The following ZMAT1 variants were observed in gnomAD, a reference collection of about 807,000 sequenced individuals.
ZMAT1 encodes zinc finger matrin-type protein 1.
ZMAT1 carries 11 observed loss-of-function variants against 18.5 expected under a neutral mutation model. The ratio of observed to expected loss-of-function variants is 0.59; its 90% CI spans 0.37 to 0.98. The LOEUF is 0.98. ZMAT1 is among the 50% of genes least tolerant of loss of function. The probability of loss-of-function intolerance (pLI) is 0.01; values close to 1 mark genes in which losing one functional copy is unlikely to be tolerated. For synonymous variants in ZMAT1, 211 were observed against 176.4 expected, an observed-to-expected ratio of 1.20 and a Z score of -1.55; for missense variants, 525 against 496.2, an observed-to-expected ratio of 1.06 and a Z score of -0.55.
At chrX:101,910,040 T>C (rs1397625896) in intron 1 of ZMAT1, among the ~76,000 whole-genome samples, 1 of 112,685 alleles carries the variant, frequency 8.9e-6, no homozygotes, top group Non-Finnish European at 1.9e-5. Flanking sequence ...GGGATGCTTC[T>C]GTCAATCCAT....
At chrX:101,914,520 C>T (rs1273172802) in intron 1 of ZMAT1, among the ~76,000 whole-genome samples, 7 of 110,717 alleles carry the variant, frequency 6.3e-5, no homozygotes, top group African/African-American at 2.3e-4. Flanking sequence ...GGAGACATTA[C>T]AACTGATACC....
At chrX:101,920,672 G>T in intron 1 of ZMAT1, among the ~76,000 whole-genome samples, 1 of 112,208 alleles carries the variant, frequency 8.9e-6, no homozygotes. Context: ...TAAGTAGCAT[G>T]CTTTCCTAAT....
chrX:101,904,455 T>G, intron 1 of ZMAT1, 125 bp from the exon 2 acceptor site: 4 of 494,826 alleles, frequency 8.1e-6, no homozygotes, highest in Non-Finnish European at 1.3e-5. Context: ...GAGGCTACAG[T>G]AACAGCTTTT....
chrX:101,920,403 G>C (rs1320620438), intron 1 of ZMAT1, among the ~76,000 whole-genome samples: 1 of 111,473 alleles, frequency 9.0e-6, no homozygotes, highest in Admixed American at 9.5e-5. Context: ...ATGGAGCTTT[G>C]ACTTTACATG....
Position 101,882,358 on chromosome X carries a change from G to A in ZMAT1, c.*1152C>T, listed in dbSNP as rs1926533420. 9.0e-6 allele frequency: 1 copy of A among 111,478 alleles called. No homozygotes were observed. The highest frequency in any genetic ancestry group is 3.7e-4 in the South Asian group (1 of 2,680). The allele number at this position is 111,478 out of a possible 1,213,427, so 9.2% of individuals were successfully genotyped here. A position where few individuals can be genotyped will look rare whatever the true frequency, so the allele number is the denominator to read the frequency against. ...CTGACCTTATATCAGTACTTTTTGAGACCGTTTTAAAACTATATATCATCT... is the reference window on the plus strand; with the variant it reads ...CTGACCTTATATCAGTACTTTTTGAAACCGTTTTAAAACTATATATCATCT... On this transcript the variant is annotated 3_prime_UTR_variant, in exon 6 of 6. Coordinates refer to ENST00000651725, the MANE Select transcript of ZMAT1 (RefSeq NM_001394560.1).
chrX:101,921,038 G>C (rs754424268), intron 1 of ZMAT1, among the ~76,000 whole-genome samples: 3 of 110,585 alleles, frequency 2.7e-5, no homozygotes, highest in Non-Finnish European at 5.7e-5. Flanking sequence ...AAAAAAAAAG[G>C]ATATATAAAT....
intron 1 of ZMAT1, among the ~76,000 whole-genome samples, chrX:101,904,627 A>G (rs1056417209): frequency 9.0e-6 from 1 of 111,279 alleles, no homozygotes; most frequent in Admixed American, 9.6e-5. Context: ...TTGGGACACC[A>G]GTAATTAAAG....
At chrX:101,926,321 C>A (rs913296321) in intron 1 of ZMAT1, among the ~76,000 whole-genome samples, 1 of 112,139 alleles carries the variant, frequency 8.9e-6, no homozygotes, top group African/African-American at 3.2e-5. Context: ...CAGAAACTTA[C>A]TTTTTAGCTA....
intron 1 of ZMAT1, among the ~76,000 whole-genome samples, chrX:101,929,537 T>A (rs1187170994): frequency 9.4e-6 from 1 of 105,854 alleles, no homozygotes; most frequent in African/African-American, 3.4e-5. Flanking sequence ...AACAGTGCAA[T>A]ATATAAAATG....
intron 1 of ZMAT1, among the ~76,000 whole-genome samples, chrX:101,910,299 G>A (rs1928875877): frequency 8.9e-6 from 1 of 111,971 alleles, no homozygotes; most frequent in African/African-American, 3.3e-5. Context: ...TTCACAAGAA[G>A]GACAGCTACA....
chrX:101,929,422 ATTATATATAT>A (rs1340296882), intron 1 of ZMAT1, among the ~76,000 whole-genome samples: 482 of 23,776 alleles, frequency 0.02, 2 homozygotes, highest in African/African-American at 0.11. Context: ...ATAGAGAGAG[ATTATATATAT>A]ATATATATAT....
intron 4 of ZMAT1, among the ~76,000 whole-genome samples, chrX:101,895,257 C>T (rs978104536): frequency 6.3e-5 from 7 of 111,272 alleles, no homozygotes; most frequent in African/African-American, 2.3e-4. Context: ...TTAAAACATA[C>T]TTAGTAAGAA....
At chrX:101,904,743 G>C (rs749365579) in intron 1 of ZMAT1, among the ~76,000 whole-genome samples, 2 of 110,364 alleles carry the variant, frequency 1.8e-5, no homozygotes, top group South Asian at 4.0e-4. Flanking sequence ...AGGAGTTTGA[G>C]AACAGCCTGG....
intron 5 of ZMAT1, among the ~76,000 whole-genome samples, chrX:101,885,136 G>C (rs1331244690): frequency 9.1e-6 from 1 of 110,334 alleles, no homozygotes; most frequent in Non-Finnish European, 1.9e-5. Context: ...AATTTCCTTT[G>C]GCCCGGGATG....
intron 1 of ZMAT1, among the ~76,000 whole-genome samples, chrX:101,920,043 C>CTTTT (rs34092477): frequency 1.1e-5 from 1 of 93,971 alleles, no homozygotes; most frequent in Non-Finnish European, 2.1e-5. Context: ...ATTTATTACA[C>CTTTT]TTTTTTTTTT....
intron 1 of ZMAT1, among the ~76,000 whole-genome samples, chrX:101,929,423 T>TTATA (rs771032732): frequency 0.012 from 889 of 71,191 alleles, 12 homozygotes; most frequent in East Asian, 0.035. Context: ...TAGAGAGAGA[T>TTATA]TATATATATA....
rs192829103 is a variant in ZMAT1, at chrX:101,905,674, G to A, written c.293-1344C>T. Among the ~76,000 whole-genome samples, 930 of 111,651 alleles carry A rather than the reference G, an allele frequency of 8.3e-3. 6 individuals are homozygous for A. Among genetic ancestry groups the A allele is most frequent in the Non-Finnish European group, 0.01 (540 of 53,125 alleles). On this transcript the variant is annotated intron_variant, in intron 1 of 5. Transcript: ENST00000651725. ...TGGTTAACTCTGGTAGGTAGGCCTA[G>A]AAAAGGAACAAGGAGAGACAACTTA...
chrX:101,904,299 T>C lies in ZMAT1; in HGVS notation c.324A>G (p.Glu108=), dbSNP rs370193154. ...DAIWNEQEKA[E]LFTDKFCQVC... ...CTTGACAAAACTTATCTGTAAAAAG[T>C]TCAGCCTTTTCCTGTTCATTCCAAA... The change falls in exon 2 of 6, where the codon GAA becomes GAG. Residue 108 remains glutamate (E), a synonymous_variant. Coordinates refer to ENST00000651725, the MANE Select transcript of ZMAT1 (RefSeq NM_001394560.1). 2.6e-4 allele frequency: 312 copies of C among 1,205,719 alleles called. No individual in the cohort carries two copies. Among genetic ancestry groups the C allele is most frequent in the Non-Finnish European group, 3.3e-4 (296 of 893,327 alleles).
At position 101,883,877 on chromosome X, in the gene ZMAT1, A is replaced by C; in HGVS notation, c.1721T>G (p.Val574Gly). 2.5e-6 allele frequency: 3 copies of C among 1,207,480 alleles called. No homozygotes were observed. The highest frequency in any genetic ancestry group is 2.2e-6 in the Non-Finnish European group (2 of 893,997). Residue 574 changes from valine (V) to glycine (G), a missense_variant, in exon 6 of 6, where the codon GTT becomes GGT. Transcript: ENST00000651725. ...GTTTTCTGAAGAGAGGTGCTTGTAA[A>C]CTTCAGATTCTACACTGTATGAGCC... ...NSGSYSVESE[V>G]YKHLSSENNT...
Sources: allele counts gnomAD v4.1 joint callset (sites outside exome capture counted in the v4.1 genomes callset), GRCh38; gene constraint gnomAD v4.1.1; transcripts MANE v1.5; gene names NCBI Gene and HGNC (gene_info 2026-07-23, HGNC 2026-07-21).